DDX10: variants seen among roughly 807,000 people sequenced by gnomAD.
The protein encoded by DDX10 is probable ATP-dependent RNA helicase DDX10.
In DDX10, 74 loss-of-function variants were observed where a neutral mutation model predicts 104.3. That is an observed-to-expected ratio of 0.71 (90% CI 0.59 to 0.86). The LOEUF (loss-of-function observed/expected upper bound fraction) is 0.86, where lower values mean the gene tolerates loss of function less well. DDX10 is among the 40% of genes least tolerant of loss of function. The pLI, the probability that DDX10 is intolerant of heterozygous loss-of-function variation, is 0.00. For synonymous variants in DDX10, 351 were observed against 353.4 expected (o/e 0.99, Z 0.08); for missense variants, 952 against 1,040.0 (o/e 0.92, Z 1.16).
At chr11:108,885,761 A>G (rs1357950949) in intron 16 of DDX10, among the ~76,000 whole-genome samples, 3 of 152,208 alleles carry the variant, frequency 2.0e-5, no homozygotes, top group Non-Finnish European at 2.9e-5. Flanking sequence ...GTAAGATAAA[A>G]TGCTTTTTAA....
chr11:108,874,537 T>A (rs1333759472), intron 16 of DDX10, among the ~76,000 whole-genome samples: 2 of 152,136 alleles, frequency 1.3e-5, no homozygotes, highest in Non-Finnish European at 2.9e-5. Context: ...ATTTTTATTT[T>A]ATTAATTTTT....
intron 14 of DDX10, among the ~76,000 whole-genome samples, chr11:108,839,691 C>A (rs754345239): frequency 6.6e-6 from 1 of 152,036 alleles, no homozygotes; most frequent in Non-Finnish European, 1.5e-5. Context: ...ATAAATCAGA[C>A]GAAAAGTCAC....
intron 1 of DDX10, among the ~76,000 whole-genome samples, chr11:108,672,535 G>T (rs76019938): frequency 6.6e-6 from 1 of 152,194 alleles, no homozygotes; most frequent in South Asian, 2.1e-4. Context: ...TGTATTTTCA[G>T]CATTGGAGGG....
At chr11:108,853,641 A>G (rs1248940516) in intron 16 of DDX10, among the ~76,000 whole-genome samples, 3 of 151,694 alleles carry the variant, frequency 2.0e-5, no homozygotes, top group Non-Finnish European at 2.9e-5. Context: ...TGGTGTGTAT[A>G]TTTGGTTTTA....
At chr11:108,882,154 A>G (rs1241027380) in intron 16 of DDX10, among the ~76,000 whole-genome samples, 1 of 152,192 alleles carries the variant, frequency 6.6e-6, no homozygotes, top group African/African-American at 2.4e-5. Flanking sequence ...CCCATCCTCC[A>G]TAAAATAGAT....
At chr11:108,874,093 G>GA (rs1424498390) in intron 16 of DDX10, among the ~76,000 whole-genome samples, 1 of 151,976 alleles carries the variant, frequency 6.6e-6, no homozygotes, top group African/African-American at 2.4e-5. Flanking sequence ...CACAAAAGTA[G>GA]AAAAAACAAT....
Position 108,688,744 on chromosome 11 carries a change from G to A in DDX10, c.849-192G>A, listed in dbSNP as rs548816030. ...TTGACATTGATTTACAAGGGATTTTGAATGTGTTTTAAAGTAATGTGTTGA... is the reference window on the plus strand; with the variant it reads ...TTGACATTGATTTACAAGGGATTTTAAATGTGTTTTAAAGTAATGTGTTGA... On this transcript the variant is annotated intron_variant, in intron 6 of 17. Coordinates refer to ENST00000322536, the MANE Select transcript of DDX10 (RefSeq NM_004398.4). Among the ~76,000 whole-genome samples, 3 of 152,304 alleles carry A rather than the reference G, an allele frequency of 2.0e-5. No homozygotes were observed. The South Asian group carries it at 6.2e-4, about 32-fold the overall frequency.
At chr11:108,861,694 A>G (rs1420789836) in intron 16 of DDX10, among the ~76,000 whole-genome samples, 3 of 152,110 alleles carry the variant, frequency 2.0e-5, no homozygotes, top group African/African-American at 7.2e-5. Flanking sequence ...AGAGTGTTCT[A>G]ATTTCTTAAA....
At chr11:108,903,140 A>G (rs1863540235) in intron 16 of DDX10, among the ~76,000 whole-genome samples, 1 of 152,096 alleles carries the variant, frequency 6.6e-6, no homozygotes, top group Non-Finnish European at 1.5e-5. Flanking sequence ...ATGTTGTGCA[A>G]CCACCAGCAC....
intron 13 of DDX10, among the ~76,000 whole-genome samples, chr11:108,742,038 C>T (rs531933912): frequency 2.6e-4 from 40 of 152,100 alleles, no homozygotes; most frequent in Admixed American, 5.2e-4. Context: ...GTGGGTGGAT[C>T]GCCTGAGATC....
chr11:108,801,616 C>T (rs984021970), intron 13 of DDX10, among the ~76,000 whole-genome samples: 6 of 152,264 alleles, frequency 3.9e-5, no homozygotes, highest in South Asian at 4.2e-4. Context: ...ATGCATCTAT[C>T]CCCAGAAAGC....
At chr11:108,742,661 A>C (rs1055662372) in intron 13 of DDX10, among the ~76,000 whole-genome samples, 7 of 152,222 alleles carry the variant, frequency 4.6e-5, no homozygotes, top group African/African-American at 7.2e-5. Context: ...AGCTAGACTA[A>C]TAAAAAGGAG....
intron 9 of DDX10, among the ~76,000 whole-genome samples, chr11:108,697,917 T>TTA (rs1345152583): frequency 6.6e-6 from 1 of 152,272 alleles, no homozygotes; most frequent in East Asian, 1.9e-4. Flanking sequence ...AGATGGGCAT[T>TTA]TATATATAAC....
At chr11:108,929,418 A>G (rs1863949171) in intron 17 of DDX10, 2 of 152,242 alleles carry the variant, frequency 1.3e-5, no homozygotes, top group Non-Finnish European at 2.9e-5. Context: ...TGGTTTGCGT[A>G]GACAATTATT....
intron 16 of DDX10, among the ~76,000 whole-genome samples, chr11:108,908,036 A>T (rs1286542397): frequency 6.6e-6 from 1 of 152,184 alleles, no homozygotes; most frequent in Non-Finnish European, 1.5e-5. Flanking sequence ...CTGCCTTAGT[A>T]AATACATACT....
At chr11:108,882,993 A>G (rs1565308112) in intron 16 of DDX10, among the ~76,000 whole-genome samples, 1 of 152,184 alleles carries the variant, frequency 6.6e-6, no homozygotes, top group East Asian at 1.9e-4. Flanking sequence ...TATCATTTCA[A>G]ATAATGATTA....
At chr11:108,859,752 G>A (rs1862916358) in intron 16 of DDX10, among the ~76,000 whole-genome samples, 1 of 152,076 alleles carries the variant, frequency 6.6e-6, no homozygotes, top group African/African-American at 2.4e-5. Flanking sequence ...GGCTGAGTCT[G>A]TGTTATTCCA....
In DDX10 at chr11:108,856,877, T is replaced by A. The variant is rs547952782; in HGVS notation, c.2304+4668T>A. ...ACCCCCCACCACCCCCGCGTGAGAA[T>A]ATTATTTGGGCAAGGCTCTAGGGTT... On this transcript the variant is annotated intron_variant, in intron 16 of 17. Transcript: ENST00000322536. Among the ~76,000 whole-genome samples the A allele has an allele frequency of 1.8e-3, 207 of 113,714 alleles. 2 individuals are homozygous for A. Among genetic ancestry groups the A allele is most frequent in the African/African-American group, 6.7e-3 (196 of 29,244 alleles). The allele number at this position is 113,714 out of a possible 152,430, so 74.6% of individuals were successfully genotyped here. A position where few individuals can be genotyped will look rare whatever the true frequency, so the allele number is the denominator to read the frequency against.
At chr11:108,754,435 C>A (rs2094342181) in intron 13 of DDX10, among the ~76,000 whole-genome samples, 1 of 151,946 alleles carries the variant, frequency 6.6e-6, no homozygotes, top group Non-Finnish European at 1.5e-5. Context: ...TGAGGTTAAT[C>A]CATTGGGGTT....
Sources: allele counts gnomAD v4.1 joint callset (sites outside exome capture counted in the v4.1 genomes callset), GRCh38; gene constraint gnomAD v4.1.1; transcripts MANE v1.5; gene names NCBI Gene and HGNC (gene_info 2026-07-23, HGNC 2026-07-21).